PRUNE2: variants seen among roughly 807,000 people sequenced by gnomAD.
PRUNE2 encodes prune homolog 2 with BCH domain.
Under a neutral mutation model 252.0 loss-of-function variants are expected in PRUNE2, and 164 were observed. The observed-to-expected ratio is 0.65, with a 90% confidence interval of 0.57 to 0.74. The LOEUF is 0.74. Among genes scored for constraint, PRUNE2 ranks in the 30% least tolerant of loss-of-function variants. The probability of loss-of-function intolerance (pLI) is 0.00; values close to 1 mark genes in which losing one functional copy is unlikely to be tolerated. For missense variants in PRUNE2, 3,495 were observed against 3,711.0 expected (o/e 0.94, Z 1.51); for synonymous variants, 1,292 against 1,350.2 (o/e 0.96, Z 0.94).
intron 15 of PRUNE2, among the ~76,000 whole-genome samples, chr9:76,633,626 T>C (rs1838705086): frequency 6.6e-6 from 1 of 152,050 alleles, no homozygotes; most frequent in African/African-American, 2.4e-5. Flanking sequence ...CTTACTTGTT[T>C]GCATGTTTCC....
chr9:76,836,120 C>T (rs778120887), intron 4 of PRUNE2, among the ~76,000 whole-genome samples: 2 of 151,998 alleles, frequency 1.3e-5, no homozygotes, highest in African/African-American at 4.8e-5. Context: ...CACACAAATA[C>T]AAATGTGCAC....
At position 76,703,942 on chromosome 9, in the gene PRUNE2, T is replaced by C; in HGVS notation, c.7671A>G (p.Glu2557=). Residue 2557 remains glutamate (E), a synonymous_variant, in exon 9 of 19, where the codon GAA becomes GAG. Coordinates refer to ENST00000376718, the MANE Select transcript of PRUNE2 (RefSeq NM_015225.3). ...AGGTCTCTGGCTTTGAGTGTGAATT[T>C]TCTTCACGGTTTACAAGTATGTAAT... ...HMDYILVNRE[E]NSHSKPETCE... is the part of the protein sequence containing the mutation. 6.2e-7 allele frequency: 1 copy of C among 1,605,088 alleles called. No individual in the cohort carries two copies. Among genetic ancestry groups the C allele is most frequent in the South Asian group, 1.1e-5 (1 of 91,060 alleles).
intron 9 of PRUNE2, among the ~76,000 whole-genome samples, chr9:76,683,115 G>T (rs2043658456): frequency 6.6e-6 from 1 of 152,252 alleles, no homozygotes; most frequent in African/African-American, 2.4e-5. Context: ...TTTGAGGGAT[G>T]AAGGTAATTT....
chr9:76,649,643 T>TAGATAGAC (rs1276301453), intron 11 of PRUNE2, among the ~76,000 whole-genome samples: 4 of 150,636 alleles, frequency 2.7e-5, no homozygotes, highest in African/African-American at 9.9e-5. Flanking sequence ...GATAGATAGA[T>TAGATAGAC]AGAATAGGCT....
intron 9 of PRUNE2, among the ~76,000 whole-genome samples, chr9:76,688,637 C>T (rs1365107792): frequency 6.6e-6 from 1 of 152,190 alleles, no homozygotes; most frequent in Non-Finnish European, 1.5e-5. Context: ...GCCTTGACTT[C>T]CAGTCTCAGG....
At chr9:76,852,918 G>T (rs1461882317) in intron 2 of PRUNE2, among the ~76,000 whole-genome samples, 1 of 151,944 alleles carries the variant, frequency 6.6e-6, no homozygotes, top group African/African-American at 2.4e-5. Flanking sequence ...GTTGTAGGTG[G>T]TAGTGGTGGT....
At chr9:76,832,546 A>T (rs2058725682) in intron 4 of PRUNE2, among the ~76,000 whole-genome samples, 1 of 152,154 alleles carries the variant, frequency 6.6e-6, no homozygotes, top group African/African-American at 2.4e-5. Flanking sequence ...TGAGAATGAA[A>T]ATATGACACT....
At position 76,705,398 on chromosome 9, in the gene PRUNE2, C is replaced by G; in HGVS notation, c.6876G>C (p.Leu2292=). The stretch of plus-strand genomic sequence containing the variant: ...GGTCAAAGGCAGCTTCGCTTATATC[C>G]AGACAAGTGTCTGAGGCTAGCAAAG... ...PDALLASDTC[L]DISEAAFDHS... is the part of the protein sequence containing the mutation. The change falls in exon 8 of 19, where the codon CTG becomes CTC. Residue 2292 remains leucine (L), a synonymous_variant. Coordinates refer to ENST00000376718, the MANE Select transcript of PRUNE2 (RefSeq NM_015225.3). 6.2e-7 allele frequency: 1 copy of G among 1,613,964 alleles called. No individual in the cohort carries two copies. The highest frequency in any genetic ancestry group is 1.1e-5 in the South Asian group (1 of 91,072).
chr9:76,728,063 T>C (rs2048273951), intron 6 of PRUNE2, among the ~76,000 whole-genome samples: 1 of 152,160 alleles, frequency 6.6e-6, no homozygotes, highest in Admixed American at 6.6e-5. Flanking sequence ...TTAGGATTCC[T>C]GAAAAATCTA....
At chr9:76,634,058 G>A (rs892555940) in intron 15 of PRUNE2, among the ~76,000 whole-genome samples, 2 of 152,208 alleles carry the variant, frequency 1.3e-5, no homozygotes, top group Admixed American at 6.5e-5. Context: ...GCTGCAGTAA[G>A]CCATGATCGT....
chr9:76,806,391 C>T (rs765203437), intron 6 of PRUNE2, among the ~76,000 whole-genome samples: 55 of 152,122 alleles, frequency 3.6e-4, no homozygotes, highest in African/African-American at 1.2e-3. Context: ...TACTGGACTC[C>T]GTGCAGAAAG....
At chr9:76,734,292 G>A (rs997919206) in intron 6 of PRUNE2, among the ~76,000 whole-genome samples, 8 of 152,076 alleles carry the variant, frequency 5.3e-5, no homozygotes, top group African/African-American at 1.7e-4. Context: ...GGTAGGGGTC[G>A]AATCAGGGAC....
chr9:76,819,531 A>G (rs977381337), intron 6 of PRUNE2: 1 of 152,192 alleles, frequency 6.6e-6, no homozygotes, highest in Non-Finnish European at 1.5e-5. Context: ...TAGCCTCTAG[A>G]GCTGTGAGAC....
intron 10 of PRUNE2, among the ~76,000 whole-genome samples, chr9:76,654,431 T>G (rs987999046): frequency 1.3e-5 from 2 of 152,216 alleles, no homozygotes; most frequent in Admixed American, 6.5e-5. Context: ...CAAGTAAGTT[T>G]CAACACTGAG....
At chr9:76,808,021 T>C (rs1351520976) in intron 6 of PRUNE2, among the ~76,000 whole-genome samples, 2 of 151,896 alleles carry the variant, frequency 1.3e-5, no homozygotes. Flanking sequence ...CTACTAAAAA[T>C]ACAAAAATGA....
At chr9:76,751,714 C>T (rs2050629731) in intron 6 of PRUNE2, among the ~76,000 whole-genome samples, 2 of 152,158 alleles carry the variant, frequency 1.3e-5, no homozygotes, top group South Asian at 4.1e-4. Flanking sequence ...TCTTACTGAT[C>T]CCTCCAACCT....
In PRUNE2 at chr9:76,706,540, G is replaced by C. The variant is rs181675172; in HGVS notation, c.5734C>G (p.Pro1912Ala). ...NSHEQLWNIQ[P>A]RQPDPDADKF... ...TCAGCATCTGGGTCTGGCTGCCTTG[G>C]TTGAATGTTCCAGAGTTGCTCATGG... The change falls in exon 8 of 19, where the codon CCA becomes GCA. Residue 1912 changes from proline to alanine, a missense_variant. By Grantham distance (27) the Pro-to-Ala change is conservative. Transcript: ENST00000376718. 3 of 1,613,954 alleles carry C rather than the reference G, an allele frequency of 1.9e-6. No homozygotes were observed. Among genetic ancestry groups the C allele is most frequent in the East Asian group, 4.5e-5 (2 of 44,858 alleles).
intron 9 of PRUNE2, among the ~76,000 whole-genome samples, chr9:76,665,987 C>G (rs1023293599): frequency 4.6e-5 from 7 of 152,106 alleles, no homozygotes; most frequent in African/African-American, 1.7e-4. Flanking sequence ...TAGTTCGTAG[C>G]AATTACTCTT....
intron 6 of PRUNE2, among the ~76,000 whole-genome samples, chr9:76,780,736 G>GT (rs1361068281): frequency 6.6e-6 from 1 of 152,070 alleles, no homozygotes; most frequent in Non-Finnish European, 1.5e-5. Context: ...CAGCAAGAGG[G>GT]TTTTGTTTTT....
Sources: gnomAD v4.1 joint callset for allele counts (sites outside exome capture counted in the v4.1 genomes callset) on GRCh38, gnomAD v4.1.1 for gene constraint, MANE v1.5 for transcripts, NCBI Gene and HGNC (gene_info 2026-07-23, HGNC 2026-07-21) for gene names.